Variants in CTNNA2 observed in about 807,000 individuals in gnomAD.
CTNNA2 encodes catenin alpha 2.
A neutral mutation model predicts 101.0 loss-of-function variants in CTNNA2; 42 were observed. The ratio of observed to expected loss-of-function variants is 0.42; its 90% CI spans 0.32 to 0.54. The LOEUF (loss-of-function observed/expected upper bound fraction) is 0.54, where lower values mean the gene tolerates loss of function less well. Among genes scored for constraint, CTNNA2 ranks in the 20% least tolerant of loss-of-function variants. CTNNA2 has a pLI of 0.14. For synonymous variants in CTNNA2, 450 were observed against 456.4 expected (o/e 0.99, Z 0.18); for missense variants, 871 against 1,223.1 (o/e 0.71, Z 4.29).
chr2:79,355,018 T>C (rs1677477182), intron 3 of CTNNA2, among the ~76,000 whole-genome samples: 2 of 152,196 alleles, frequency 1.3e-5, no homozygotes, highest in South Asian at 2.1e-4. Flanking sequence ...ATATCGACTT[T>C]GTTAAAGATC....
chr2:80,602,478 G>C (rs986172730), intron 15 of CTNNA2, among the ~76,000 whole-genome samples: 1 of 151,994 alleles, frequency 6.6e-6, no homozygotes, highest in Non-Finnish European at 1.5e-5. Context: ...CAGTCTTATT[G>C]AATGGGTTAA....
At chr2:79,278,569 C>G (rs1156848404) in intron 2 of CTNNA2, among the ~76,000 whole-genome samples, 1 of 151,960 alleles carries the variant, frequency 6.6e-6, no homozygotes, top group African/African-American at 2.4e-5. Flanking sequence ...TTACATTATG[C>G]AAATTGAAAA....
chr2:80,303,579 G>A lies in CTNNA2; in HGVS notation c.1057-89632G>A, dbSNP rs762370564. The stretch of plus-strand genomic sequence containing the variant: ...ATTAACCCCGTGAACTGGCCGGCGC[G>A]CAGCTCCGAGAGGCTGTTGTAGCGC... On this transcript the variant is annotated intron_variant, in intron 7 of 18. Transcript: ENST00000402739. This position sits in a 1 kb window ranked among gnomAD's most constrained non-coding sequence, Gnocchi z 7.7. The A allele has an allele frequency of 6.2e-7, 1 of 1,614,210 alleles. No homozygotes were observed. The highest frequency in any genetic ancestry group is 8.5e-7 in the Non-Finnish European group (1 of 1,180,034).
At chr2:79,757,676 C>T (rs964070322) in intron 3 of CTNNA2, among the ~76,000 whole-genome samples, 2 of 152,312 alleles carry the variant, frequency 1.3e-5, no homozygotes, top group South Asian at 2.1e-4. Context: ...CCTGTCCACC[C>T]GAGAACACAG....
At chr2:79,825,103 C>T (rs549192548) in intron 3 of CTNNA2, among the ~76,000 whole-genome samples, 2 of 152,084 alleles carry the variant, frequency 1.3e-5, no homozygotes, top group East Asian at 1.9e-4. Flanking sequence ...ATGGGAAGAA[C>T]GCTTGAGCCC....
chr2:80,261,179 C>T (rs1219341707), intron 7 of CTNNA2, among the ~76,000 whole-genome samples: 12 of 152,318 alleles, frequency 7.9e-5, no homozygotes, highest in Admixed American at 7.8e-4. Flanking sequence ...CCTCAGATGA[C>T]ACATATACCT....
chr2:80,395,047 A>G (rs1677879979), intron 8 of CTNNA2, among the ~76,000 whole-genome samples: 1 of 152,130 alleles, frequency 6.6e-6, no homozygotes, highest in South Asian at 2.1e-4. Flanking sequence ...GATTATTATT[A>G]TTATTACTAG....
intron 4 of CTNNA2, among the ~76,000 whole-genome samples, chr2:79,495,572 T>A (rs539627851): frequency 6.6e-6 from 1 of 152,246 alleles, no homozygotes; most frequent in South Asian, 2.1e-4. Flanking sequence ...CTCCTTAAAA[T>A]AATAAGCAGA....
chr2:79,673,749 A>ATTAC (rs1683004778), intron 2 of CTNNA2, among the ~76,000 whole-genome samples: 1 of 151,952 alleles, frequency 6.6e-6, no homozygotes, highest in African/African-American at 2.4e-5. Context: ...TGAGTGTTTG[A>ATTAC]TTACTTCTAT....
intron 4 of CTNNA2, among the ~76,000 whole-genome samples, chr2:79,412,123 C>T (rs903629001): frequency 2.0e-5 from 3 of 151,964 alleles, no homozygotes; most frequent in Admixed American, 2.0e-4. Context: ...GACTTTAAAC[C>T]AACAAAGATC....
At chr2:79,618,865 A>G (rs1350797168) in intron 1 of CTNNA2, among the ~76,000 whole-genome samples, 2 of 152,198 alleles carry the variant, frequency 1.3e-5, no homozygotes, top group Non-Finnish European at 2.9e-5. Flanking sequence ...AGGCTATTGG[A>G]GAGAAGGGAT....
chr2:79,962,768 T>C lies in CTNNA2; in HGVS notation c.1056+52971T>C, dbSNP rs1490488249. On this transcript the variant is annotated intron_variant, in intron 7 of 18. Transcript: ENST00000402739. Reference sequence around the variant, plus strand: ...TGCAGAAATTTGACTGTTCTTGCAATGAATTAATGTTACACAAAATTGGCC... The same window carrying C: ...TGCAGAAATTTGACTGTTCTTGCAACGAATTAATGTTACACAAAATTGGCC... 2.0e-5 allele frequency among the ~76,000 whole-genome samples: 3 copies of C among 152,102 alleles called. 1 individual carries two copies. The South Asian group carries it at 6.2e-4, about 31-fold the overall frequency.
At chr2:80,259,527 C>A (rs550388399) in intron 7 of CTNNA2, among the ~76,000 whole-genome samples, 1 of 152,120 alleles carries the variant, frequency 6.6e-6, no homozygotes, top group African/African-American at 2.4e-5. Flanking sequence ...CCTGGCACTG[C>A]GCCTCTCCCG....
At chr2:79,648,513 GT>G (rs1406660766) in intron 1 of CTNNA2, among the ~76,000 whole-genome samples, 1 of 152,106 alleles carries the variant, frequency 6.6e-6, no homozygotes, top group African/African-American at 2.4e-5. Flanking sequence ...GCAATCCAAT[GT>G]TTTACAAGTA....
Position 79,418,203 on chromosome 2 carries a change from T to C in CTNNA2, c.-135+44190T>C, listed in dbSNP as rs148760928. Reference sequence around the variant, plus strand: ...AAAAGGCCGATCTTGGGTTCTACAATGGTGATGTTATCTGCAGGAATCACT... The same window carrying C: ...AAAAGGCCGATCTTGGGTTCTACAACGGTGATGTTATCTGCAGGAATCACT... On this transcript the variant is annotated intron_variant, in intron 4 of 21. Transcript: ENST00000466387. Among the ~76,000 whole-genome samples, 140 of 152,216 alleles carry C rather than the reference T, an allele frequency of 9.2e-4. 2 individuals carry two copies. In the East Asian group the frequency reaches 0.02, roughly 22 times the overall value.
intron 7 of CTNNA2, among the ~76,000 whole-genome samples, chr2:80,329,201 T>C (rs897331492): frequency 6.6e-6 from 1 of 152,234 alleles, no homozygotes; most frequent in African/African-American, 2.4e-5. Context: ...CTTTATTTGA[T>C]TGGTATTTGC....
intron 8 of CTNNA2, among the ~76,000 whole-genome samples, chr2:80,397,146 C>G (rs980243164): frequency 6.6e-6 from 1 of 152,140 alleles, no homozygotes; most frequent in Non-Finnish European, 1.5e-5. Flanking sequence ...TAGCTGTCTC[C>G]TTTTTGACCC....
intron 7 of CTNNA2, among the ~76,000 whole-genome samples, chr2:80,068,188 C>T (rs1698104104): frequency 6.6e-6 from 1 of 152,200 alleles, no homozygotes; most frequent in Non-Finnish European, 1.5e-5. Flanking sequence ...CAGGCAGAGG[C>T]TGAGGATGCC....
At chr2:80,267,041 GA>G (rs1673053587) in intron 7 of CTNNA2, among the ~76,000 whole-genome samples, 1 of 152,146 alleles carries the variant, frequency 6.6e-6, no homozygotes, top group African/African-American at 2.4e-5. Flanking sequence ...GATCAAGGAA[GA>G]ACCCCAGCTG....
Sources: allele counts gnomAD v4.1 joint callset (sites outside exome capture counted in the v4.1 genomes callset), GRCh38; gene constraint gnomAD v4.1.1; non-coding constraint Gnocchi (gnomAD v3.1); transcripts MANE v1.5; gene names NCBI Gene and HGNC (gene_info 2026-07-23, HGNC 2026-07-21).